The following ZSWIM6 variants were observed in gnomAD, a reference collection of about 807,000 sequenced individuals.
The protein encoded by ZSWIM6 is zinc finger SWIM domain-containing protein 6.
A neutral mutation model predicts 113.2 loss-of-function variants in ZSWIM6; 9 were observed. That is an observed-to-expected ratio of 0.08 (90% CI 0.05 to 0.14). The LOEUF (loss-of-function observed/expected upper bound fraction) is 0.14, where lower values mean the gene tolerates loss of function less well. Among genes scored for constraint, ZSWIM6 ranks in the 10% least tolerant of loss-of-function variants. The pLI is 1.00. For missense variants in ZSWIM6, 1,162 were observed against 1,552.2 expected (o/e 0.75, Z 4.22); for synonymous variants, 611 against 606.5 (o/e 1.01, Z -0.11).
At chr5:61,529,855 TA>T (rs1749383952) in intron 7 of ZSWIM6, among the ~76,000 whole-genome samples, 196 bp from the exon 8 acceptor site, 1 of 152,238 alleles carries the variant, frequency 6.6e-6, no homozygotes, top group South Asian at 2.1e-4. Flanking sequence ...GATGAACCTT[TA>T]GAACTCAAAA....
chr5:61,469,401 GAAT>G (rs1182651609), intron 1 of ZSWIM6, among the ~76,000 whole-genome samples: 12 of 152,304 alleles, frequency 7.9e-5, no homozygotes, highest in African/African-American at 2.9e-4. Context: ...GATGATCTCA[GAAT>G]AATGAGTGTT....
At chr5:61,459,188 G>A (rs756960293) in intron 1 of ZSWIM6, among the ~76,000 whole-genome samples, 5 of 152,112 alleles carry the variant, frequency 3.3e-5, no homozygotes, top group Non-Finnish European at 5.9e-5. Context: ...CTAAAGTTTA[G>A]CAACATAAGA....
At chr5:61,440,132 C>T (rs990615036) in intron 1 of ZSWIM6, among the ~76,000 whole-genome samples, 8 of 151,590 alleles carry the variant, frequency 5.3e-5, no homozygotes, top group South Asian at 2.1e-4. Flanking sequence ...AAAAAAAAAG[C>T]GCGAGAGTAT....
intron 2 of ZSWIM6, among the ~76,000 whole-genome samples, chr5:61,474,516 T>C (rs1747657950): frequency 6.6e-6 from 1 of 152,222 alleles, no homozygotes; most frequent in Non-Finnish European, 1.5e-5. Context: ...CCAACACATA[T>C]CATAATATTC....
rs369647014 is a variant in ZSWIM6, at chr5:61,504,970, TA to T, written c.1333+10562del. Among the ~76,000 whole-genome samples, 1,175 of 152,286 alleles carry T rather than the reference TA, an allele frequency of 7.7e-3. 9 individuals carry two copies. The highest frequency in any genetic ancestry group is 0.027 in the African/African-American group (1,125 of 41,552). ...CTTAAGACAACTATAGAAACAAGGTTAATATAACGTAGGACATGTTTCGGAA... is the reference window on the plus strand; with the variant it reads ...CTTAAGACAACTATAGAAACAAGGTTATATAACGTAGGACATGTTTCGGAA... On this transcript the variant is annotated intron_variant, in intron 4 of 13. Coordinates refer to ENST00000252744, the MANE Select transcript of ZSWIM6 (RefSeq NM_020928.2).
chr5:61,427,796 A>C (rs907047729), intron 1 of ZSWIM6, among the ~76,000 whole-genome samples: 1 of 152,098 alleles, frequency 6.6e-6, no homozygotes. Flanking sequence ...AAATATTTTA[A>C]ATCTATGGTT....
chr5:61,365,529 G>A (rs183783100), intron 1 of ZSWIM6, among the ~76,000 whole-genome samples: 4 of 152,190 alleles, frequency 2.6e-5, no homozygotes, highest in Admixed American at 2.0e-4. Context: ...CTTTGTTTCC[G>A]ATTTGACAGC....
At chr5:61,442,910 G>T (rs1746870595) in intron 1 of ZSWIM6, among the ~76,000 whole-genome samples, 1 of 152,138 alleles carries the variant, frequency 6.6e-6, no homozygotes, top group South Asian at 2.1e-4. Context: ...ACGTTCTCCA[G>T]ACTGAACAAT....
chr5:61,370,183 G>A (rs1241092245), intron 1 of ZSWIM6, among the ~76,000 whole-genome samples: 1 of 152,064 alleles, frequency 6.6e-6, no homozygotes, highest in Non-Finnish European at 1.5e-5. Context: ...TTTTGAAAAA[G>A]TTTCAAAGAA....
intron 3 of ZSWIM6, 139 bp downstream of exon 3, chr5:61,491,073 T>C: frequency 1.3e-6 from 1 of 753,702 alleles, no homozygotes; most frequent in Non-Finnish European, 1.9e-6. Flanking sequence ...GAAACTTTTG[T>C]ATTGTAATGC....
chr5:61,465,185 G>A (rs1747410273), intron 1 of ZSWIM6, among the ~76,000 whole-genome samples: 1 of 152,186 alleles, frequency 6.6e-6, no homozygotes, highest in Non-Finnish European at 1.5e-5. Flanking sequence ...ACATTCCTAA[G>A]CATTTTGCAG....
At chr5:61,418,068 G>A (rs898715208) in intron 1 of ZSWIM6, among the ~76,000 whole-genome samples, 1 of 152,102 alleles carries the variant, frequency 6.6e-6, no homozygotes, top group Non-Finnish European at 1.5e-5. Flanking sequence ...TCAAAACCAG[G>A]ACTACAGGCT....
chr5:61,531,721 A>G lies in ZSWIM6; in HGVS notation c.2241A>G (p.Leu747=), dbSNP rs1173708376. The change falls in exon 9 of 14, where the codon TTA becomes TTG. Residue 747 remains leucine, a synonymous_variant. Coordinates refer to ENST00000252744, the MANE Select transcript of ZSWIM6 (RefSeq NM_020928.2). ...TTCGCAAGCAAGCAGTCTTCCTATT[A>G]GAAGGTAGCCTGATACAGAAGTTTT... ...KIFRKQAVFL[L]EAGPYSGLGE... is the part of the protein sequence containing the mutation. 2 of 1,551,370 alleles carry G rather than the reference A, an allele frequency of 1.3e-6. No homozygotes were observed. The highest frequency in any genetic ancestry group is 1.4e-5 in the African/African-American group (1 of 73,054).
chr5:61,347,838 A>G (rs1170490591), intron 1 of ZSWIM6: 1 of 152,214 alleles, frequency 6.6e-6, no homozygotes, highest in Admixed American at 6.5e-5. Context: ...CAAACGGCAA[A>G]ATAAGTGTCA....
chr5:61,536,282 T>G (rs1247744257), intron 10 of ZSWIM6, among the ~76,000 whole-genome samples: 1 of 152,238 alleles, frequency 6.6e-6, no homozygotes, highest in African/African-American at 2.4e-5. Flanking sequence ...TAAAAGTTAT[T>G]TCACATAATA....
At chr5:61,351,149 G>GT (rs1744775506) in intron 1 of ZSWIM6, among the ~76,000 whole-genome samples, 1 of 152,144 alleles carries the variant, frequency 6.6e-6, no homozygotes, top group Non-Finnish European at 1.5e-5. Flanking sequence ...AACAGAGCAT[G>GT]TTTTTTATTC....
intron 4 of ZSWIM6, among the ~76,000 whole-genome samples, chr5:61,502,898 G>A (rs925690005): frequency 6.6e-6 from 1 of 152,120 alleles, no homozygotes; most frequent in Non-Finnish European, 1.5e-5. Flanking sequence ...CCCGGCAACT[G>A]CCACCCCGCC....
At chr5:61,474,713 G>A (rs1747664591) in intron 2 of ZSWIM6, among the ~76,000 whole-genome samples, 4 of 152,142 alleles carry the variant, frequency 2.6e-5, no homozygotes. Flanking sequence ...CTGAGTATGA[G>A]AATACTGCTA....
intron 12 of ZSWIM6, among the ~76,000 whole-genome samples, chr5:61,540,837 C>T (rs1195015063): frequency 6.6e-6 from 1 of 151,426 alleles, no homozygotes; most frequent in Non-Finnish European, 1.5e-5. Context: ...ATCTCACAGG[C>T]CCTTTGTGAG....
Sources: allele counts gnomAD v4.1 joint callset (sites outside exome capture counted in the v4.1 genomes callset), GRCh38; gene constraint gnomAD v4.1.1; transcripts MANE v1.5; gene names NCBI Gene and HGNC (gene_info 2026-07-23, HGNC 2026-07-21).